Variants in MEOX2 observed in about 807,000 individuals in gnomAD.
The protein encoded by MEOX2 is homeobox protein MOX-2.
Under a neutral mutation model 27.0 loss-of-function variants are expected in MEOX2, and 11 were observed. The ratio of observed to expected loss-of-function variants is 0.41; its 90% CI spans 0.26 to 0.68. The LOEUF is 0.68. MEOX2 is among the 30% of genes least tolerant of loss of function. The probability of loss-of-function intolerance (pLI) is 0.33; values close to 1 mark genes in which losing one functional copy is unlikely to be tolerated. For missense variants in MEOX2, 436 were observed against 385.4 expected, an observed-to-expected ratio of 1.13 and a Z score of -1.10; for synonymous variants, 189 against 155.4, an observed-to-expected ratio of 1.22 and a Z score of -1.61.
At chr7:15,682,711 T>G (rs566468638) in intron 1 of MEOX2, among the ~76,000 whole-genome samples, 8 of 152,034 alleles carry the variant, frequency 5.3e-5, no homozygotes, top group Admixed American at 1.3e-4. Flanking sequence ...ACTAGATTGC[T>G]CAAAGAGCAA....
intron 1 of MEOX2, among the ~76,000 whole-genome samples, chr7:15,670,751 C>G (rs529191090): frequency 1.9e-4 from 29 of 152,278 alleles, no homozygotes; most frequent in Non-Finnish European, 3.8e-4. Context: ...ATGGTCATTT[C>G]TAGCACATCT....
At chr7:15,680,548 T>C (rs938030284) in intron 1 of MEOX2, 6 of 151,930 alleles carry the variant, frequency 3.9e-5, no homozygotes, top group Non-Finnish European at 8.8e-5. Context: ...TGTAGAGAGT[T>C]TTGCAACTAA....
chr7:15,632,498 T>A (rs760176378), intron 1 of MEOX2, among the ~76,000 whole-genome samples: 4 of 151,938 alleles, frequency 2.6e-5, no homozygotes, highest in South Asian at 2.1e-4. Context: ...TAAGTACAAA[T>A]TCACAAAGAA....
At chr7:15,676,904 T>C (rs1782203607) in intron 1 of MEOX2, among the ~76,000 whole-genome samples, 1 of 151,694 alleles carries the variant, frequency 6.6e-6, no homozygotes, top group Non-Finnish European at 1.5e-5. Flanking sequence ...TTGCTCAATA[T>C]GCACTCTTCC....
rs180696479 is a variant in MEOX2, at chr7:15,638,627, T to C, written c.518-11709A>G. ...GAACATGGTAGTATTTTTTACCCTC[T>C]CCTCCTTCTCTCTCTCCCCTTTTGG... On this transcript the variant is annotated intron_variant, in intron 1 of 2. Coordinates refer to ENST00000262041, the MANE Select transcript of MEOX2 (RefSeq NM_005924.5). Among the ~76,000 whole-genome samples, 6 of 152,168 alleles carry C rather than the reference T, an allele frequency of 3.9e-5. No individual in the cohort carries two copies. The East Asian group carries it at 9.7e-4, about 25-fold the overall frequency.
In MEOX2 at chr7:15,686,123, G is replaced by A. The variant is rs1294706286; in HGVS notation, c.280C>T (p.Leu94Phe). Residue 94 changes from leucine (L) to phenylalanine (F), a missense_variant, in exon 1 of 3, where the codon CTC becomes TTC. Transcript: ENST00000262041. ...QHQALQTNWHLPQMSSPPSAA... is the reference protein window; with the variant it reads ...QHQALQTNWHFPQMSSPPSAA... ...CTCGGTGGGGAAGACATCTGCGGGAGGTGCCAGTTGGTTTGCAGAGCCTGG... is the reference window on the plus strand; with the variant it reads ...CTCGGTGGGGAAGACATCTGCGGGAAGTGCCAGTTGGTTTGCAGAGCCTGG... 2 of 1,582,312 alleles carry A rather than the reference G, an allele frequency of 1.3e-6. No individual in the cohort carries two copies. The highest frequency in any genetic ancestry group is 8.6e-7 in the Non-Finnish European group (1 of 1,164,800).
chr7:15,640,370 T>C (rs74517689), intron 1 of MEOX2, among the ~76,000 whole-genome samples: 6,090 of 152,124 alleles, frequency 0.04, 140 homozygotes, highest in Non-Finnish European at 0.056. Flanking sequence ...TTTTTATACA[T>C]TAATTTTGAA....
At chr7:15,650,540 T>C (rs1464126081) in intron 1 of MEOX2, among the ~76,000 whole-genome samples, 1 of 152,114 alleles carries the variant, frequency 6.6e-6, no homozygotes, top group Non-Finnish European at 1.5e-5. Flanking sequence ...TTCAGACTAA[T>C]GCCATATCTT....
intron 1 of MEOX2, among the ~76,000 whole-genome samples, chr7:15,645,175 G>T (rs927042124): frequency 2.0e-4 from 31 of 152,160 alleles, no homozygotes; most frequent in African/African-American, 7.2e-4. Context: ...ATATTTTTCT[G>T]ATTCATTAAT....
In MEOX2 at chr7:15,612,155, C is replaced by T; in HGVS notation, c.*232G>A. On this transcript the variant is annotated 3_prime_UTR_variant, in exon 3 of 3. Coordinates refer to ENST00000262041, the MANE Select transcript of MEOX2 (RefSeq NM_005924.5). ...TCACTGCCATACGCACGACCAAACA[C>T]ATCTGGAATATTCAAAGCAAGTTCA... 5.3e-6 allele frequency: 3 copies of T among 571,116 alleles called. No individual in the cohort carries two copies. The highest frequency in any genetic ancestry group is 4.3e-5 in the South Asian group (2 of 46,270). 35.4% of individuals were successfully genotyped at this position (571,116 alleles called of 1,614,324 possible).
chr7:15,638,380 A>T (rs981972453), intron 1 of MEOX2, among the ~76,000 whole-genome samples: 1 of 152,146 alleles, frequency 6.6e-6, no homozygotes, highest in Admixed American at 6.6e-5. Context: ...GTGCATGGGC[A>T]TATATATTTA....
chr7:15,626,374 A>G (rs1781306144), intron 2 of MEOX2, among the ~76,000 whole-genome samples: 1 of 152,084 alleles, frequency 6.6e-6, no homozygotes, highest in South Asian at 2.1e-4. Flanking sequence ...CCTGAGCAAT[A>G]CAGAAAACTA....
intron 1 of MEOX2, among the ~76,000 whole-genome samples, chr7:15,665,735 T>C (rs760725190): frequency 1.3e-5 from 2 of 152,212 alleles, no homozygotes; most frequent in Non-Finnish European, 2.9e-5. Context: ...ACATCAGTAA[T>C]GTAACATTAA....
intron 1 of MEOX2, among the ~76,000 whole-genome samples, chr7:15,660,332 A>G (rs1781892204): frequency 6.6e-6 from 1 of 152,170 alleles, no homozygotes; most frequent in Admixed American, 6.5e-5. Context: ...GGGAGTATAA[A>G]TAAAAATCAA....
chr7:15,669,923 T>C (rs918767967), intron 1 of MEOX2, among the ~76,000 whole-genome samples: 2 of 152,154 alleles, frequency 1.3e-5, no homozygotes, highest in Non-Finnish European at 2.9e-5. Context: ...ACTTTCCCCC[T>C]GGAAAATCTA....
intron 1 of MEOX2, among the ~76,000 whole-genome samples, chr7:15,664,884 C>G (rs1183544417): frequency 6.6e-6 from 1 of 152,170 alleles, no homozygotes; most frequent in Non-Finnish European, 1.5e-5. Context: ...TGTTGCATCT[C>G]ATTTCCACTT....
In MEOX2 at chr7:15,612,450, C is replaced by T. The variant is rs777161537; in HGVS notation, c.852G>A (p.Gly284=). The change falls in exon 3 of 3, where the codon GGG becomes GGA. Residue 284 remains glycine, a synonymous_variant. Transcript: ENST00000262041. The part of the protein sequence containing the change: ...GIGAATLQQT[G]DSIANEDSHD... ...GACTGTCTTCATTTGCTATAGAGTCCCCTGTTTGCTGGAGGGTGGCTGCAC... is the reference window on the plus strand; with the variant it reads ...GACTGTCTTCATTTGCTATAGAGTCTCCTGTTTGCTGGAGGGTGGCTGCAC... The T allele has an allele frequency of 1.2e-6, 2 of 1,614,044 alleles. No individual in the cohort carries two copies. Among genetic ancestry groups the T allele is most frequent in the South Asian group, 1.1e-5 (1 of 91,080 alleles).
intron 2 of MEOX2, among the ~76,000 whole-genome samples, chr7:15,616,061 T>G (rs1161229184): frequency 6.6e-6 from 1 of 151,844 alleles, no homozygotes; most frequent in Non-Finnish European, 1.5e-5. Context: ...ACCATTTTAT[T>G]TTTTAAAATA....
At position 15,686,568 on chromosome 7, in the gene MEOX2, G is replaced by A. The variant is rs985088981; in HGVS notation, c.-166C>T. 4 of 661,020 alleles carry A rather than the reference G, an allele frequency of 6.1e-6. No homozygotes were observed. The Admixed American group carries it at 8.8e-5, about 15-fold the overall frequency. The allele number at this position is 661,020 out of a possible 1,614,324, so 40.9% of individuals were successfully genotyped here. ...GATAATCCCGGTCCTGAGCCCCAGC[G>A]GCCAGTCTCCTTTACATATGAACAG... On this transcript the variant is annotated 5_prime_UTR_variant, in exon 1 of 3. Transcript: ENST00000262041.
Sources: gnomAD v4.1 joint callset for allele counts (sites outside exome capture counted in the v4.1 genomes callset) on GRCh38, gnomAD v4.1.1 for gene constraint, MANE v1.5 for transcripts, NCBI Gene and HGNC (gene_info 2026-07-23, HGNC 2026-07-21) for gene names.